Variants in PDCD11 observed in about 807,000 individuals in gnomAD.
PDCD11 encodes the protein programmed cell death 11.
A neutral mutation model predicts 198.9 loss-of-function variants in PDCD11; 97 were observed. The observed-to-expected ratio is 0.49, with a 90% CI of 0.41 to 0.58. The LOEUF (loss-of-function observed/expected upper bound fraction) is 0.58, where lower values mean the gene tolerates loss of function less well. PDCD11 is among the 20% of genes least tolerant of loss of function. The pLI is 0.00. For synonymous variants in PDCD11, 893 were observed against 918.0 expected, an observed-to-expected ratio of 0.97 and a Z score of 0.49; for missense variants, 2,102 against 2,312.7, an observed-to-expected ratio of 0.91 and a Z score of 1.87.
chr10:103,402,527 C>T (rs934075701), intron 3 of PDCD11, among the ~76,000 whole-genome samples: 6 of 152,160 alleles, frequency 3.9e-5, no homozygotes, highest in South Asian at 4.1e-4. Flanking sequence ...CAACCTCCAC[C>T]TCCCAGGTTC....
intron 14 of PDCD11, 45 bp downstream of exon 14, chr10:103,417,977 G>A: frequency 6.2e-7 from 1 of 1,603,232 alleles, no homozygotes; most frequent in Non-Finnish European, 8.5e-7. Context: ...TACAGTGGCA[G>A]AGAGCAGGGA....
chr10:103,422,505 C>T (rs1340555227), intron 17 of PDCD11, among the ~76,000 whole-genome samples: 1 of 150,910 alleles, frequency 6.6e-6, no homozygotes, highest in African/African-American at 2.4e-5. Flanking sequence ...TCAAAATTTC[C>T]CTTAGTTCTG....
At chr10:103,429,067 G>A (rs912438597) in intron 21 of PDCD11, among the ~76,000 whole-genome samples, 2 of 152,178 alleles carry the variant, frequency 1.3e-5, no homozygotes, top group African/African-American at 4.8e-5. Flanking sequence ...ACTTAACGGA[G>A]GAATTATAGC....
At chr10:103,431,407 A>G (rs555576393) in intron 21 of PDCD11, among the ~76,000 whole-genome samples, 1 of 152,162 alleles carries the variant, frequency 6.6e-6, no homozygotes, top group Admixed American at 6.6e-5. Context: ...CCTGGCCAAC[A>G]TGGTGAAACC....
At chr10:103,408,569 C>T (rs1368469584) in intron 7 of PDCD11, among the ~76,000 whole-genome samples, 1 of 151,894 alleles carries the variant, frequency 6.6e-6, no homozygotes, top group Non-Finnish European at 1.5e-5. Context: ...GAGACAGAGT[C>T]TTGCTCTGTC....
At chr10:103,431,364 G>A (rs888646673) in intron 21 of PDCD11, among the ~76,000 whole-genome samples, 16 of 152,040 alleles carry the variant, frequency 1.1e-4, no homozygotes, top group Non-Finnish European at 8.8e-5. Context: ...GCCAAGGCCA[G>A]TGGATCACTT....
At chr10:103,415,535 GT>G (rs1185086571) in intron 12 of PDCD11, among the ~76,000 whole-genome samples, 2 of 152,226 alleles carry the variant, frequency 1.3e-5, no homozygotes, top group Admixed American at 6.5e-5. Flanking sequence ...TGCTAGGCAT[GT>G]GACAAGCATT....
At chr10:103,439,212 T>C (rs2032277464) in intron 27 of PDCD11, among the ~76,000 whole-genome samples, 1 of 152,206 alleles carries the variant, frequency 6.6e-6, no homozygotes, top group East Asian at 1.9e-4. Context: ...TGTGGTAGCA[T>C]GAGCCTGTAG....
Position 103,413,947 on chromosome 10 carries a change from A to G in PDCD11, c.1186-19A>G, listed in dbSNP as rs2030950419. 2 of 1,596,288 alleles carry G rather than the reference A, an allele frequency of 1.3e-6. No individual in the cohort carries two copies. Among genetic ancestry groups the G allele is most frequent in the Admixed American group, 1.7e-5 (1 of 57,582 alleles). On this transcript the variant is annotated intron_variant, in intron 9 of 35. Coordinates refer to ENST00000369797, the MANE Select transcript of PDCD11 (RefSeq NM_014976.2). The stretch of plus-strand genomic sequence containing the variant: ...ACCTGTTGTCCCTGGCTTATCCTCA[A>G]TCACTTGGTACTTTGCAGCTCAGCC...
intron 22 of PDCD11, 23 bp downstream of exon 22, chr10:103,432,257 A>C: frequency 6.9e-7 from 1 of 1,457,154 alleles, no homozygotes; most frequent in Non-Finnish European, 9.6e-7. Flanking sequence ...GCCACTCGGC[A>C]ATGAGATGTC....
intron 32 of PDCD11, 69 bp from the exon 33 acceptor site, chr10:103,443,096 T>G (rs759589905): frequency 1.1e-5 from 15 of 1,385,974 alleles, no homozygotes; most frequent in Non-Finnish European, 1.5e-5. Flanking sequence ...GGTTCCTGAG[T>G]CTGTCTGGAT....
intron 21 of PDCD11, among the ~76,000 whole-genome samples, chr10:103,429,265 C>T (rs1046280138): frequency 1.3e-5 from 2 of 152,132 alleles, no homozygotes; most frequent in African/African-American, 2.4e-5. Context: ...CTCTGGCATT[C>T]CTGTTAGCCA....
At chr10:103,410,189 C>T (rs1442882189) in intron 8 of PDCD11, among the ~76,000 whole-genome samples, 1 of 150,534 alleles carries the variant, frequency 6.6e-6, no homozygotes, top group African/African-American at 2.5e-5. Flanking sequence ...GAGCTGAGAT[C>T]GTGCCACTGC....
Position 103,445,894 on chromosome 10 carries a change from T to G in PDCD11, c.*345T>G, listed in dbSNP as rs2032588950. ...GGGGCTATTCCCGAGGGTCCTGTGG[T>G]CAGGGTCCTGCTTTGTCCCTGGCAG... On this transcript the variant is annotated 3_prime_UTR_variant, in exon 36 of 36. Transcript: ENST00000369797. 4 of 233,866 alleles carry G rather than the reference T, an allele frequency of 1.7e-5. No homozygotes were observed. The South Asian group carries it at 2.9e-4, about 17-fold the overall frequency. 14.5% of individuals were successfully genotyped at this position (233,866 alleles called of 1,614,324 possible). A position where few individuals can be genotyped will look rare whatever the true frequency, so the allele number is the denominator to read the frequency against.
chr10:103,409,326 C>CT (rs57480812), intron 7 of PDCD11, among the ~76,000 whole-genome samples: 48,408 of 147,588 alleles, frequency 0.33, 8,140 homozygotes, highest in East Asian at 0.43. Context: ...TTTTTTTAAC[C>CT]TTTTTTTTTT....
At chr10:103,412,183 C>G (rs1210140383) in intron 8 of PDCD11, among the ~76,000 whole-genome samples, 1 of 151,122 alleles carries the variant, frequency 6.6e-6, no homozygotes, top group Non-Finnish European at 1.5e-5. Flanking sequence ...TTTCTTGAGA[C>G]TGAGTCTTAC....
In PDCD11 at chr10:103,434,815, G is replaced by T. The variant is rs749071188; in HGVS notation, c.3685G>T (p.Glu1229Ter). 6.2e-7 allele frequency: 1 copy of T among 1,610,154 alleles called. No homozygotes were observed. Reference sequence around the variant, plus strand: ...TCCACCAGGTCCTCACAAGCTTGAGGAAGGGGAAGTGGCCATGGGCCGAGT... The same window carrying T: ...TCCACCAGGTCCTCACAAGCTTGAGTAAGGGGAAGTGGCCATGGGCCGAGT... Reference protein sequence around the residue: ...LSLTGPHKLEEGEVAMGRVVK... With the variant: ...LSLTGPHKLE Residue 1229 changes from glutamate to a stop codon, truncating the protein, a stop_gained, in exon 25 of 36, where the codon GAA becomes TAA. Transcript: ENST00000369797. LOFTEE classifies it high-confidence loss of function.
intron 25 of PDCD11, among the ~76,000 whole-genome samples, chr10:103,437,376 T>A (rs1192408266): frequency 6.6e-6 from 1 of 152,228 alleles, no homozygotes; most frequent in African/African-American, 2.4e-5. Flanking sequence ...GCTCCTGGCT[T>A]CTAGCAGTTC....
intron 20 of PDCD11, among the ~76,000 whole-genome samples, chr10:103,426,546 C>A (rs1197629443): frequency 2.0e-5 from 3 of 152,108 alleles, no homozygotes; most frequent in South Asian, 2.1e-4. Flanking sequence ...GTAATTCCAG[C>A]ACTTTTGGGA....
Sources: allele counts gnomAD v4.1 joint callset (sites outside exome capture counted in the v4.1 genomes callset), GRCh38; gene constraint gnomAD v4.1.1; transcripts MANE v1.5; gene names NCBI Gene and HGNC (gene_info 2026-07-23, HGNC 2026-07-21).